Variants in CHD6 observed in about 807,000 individuals in gnomAD.
CHD6 encodes the protein chromodomain helicase DNA binding protein 6, also known as ATP-dependent chromatin remodeler CHD6.
CHD6 carries 50 observed loss-of-function variants against 276.9 expected under a neutral mutation model. The ratio of observed to expected loss-of-function variants is 0.18; its 90% CI spans 0.14 to 0.23. The LOEUF (loss-of-function observed/expected upper bound fraction) is 0.23, where lower values mean the gene tolerates loss of function less well. CHD6 is among the 10% of genes least tolerant of loss of function. CHD6 has a pLI of 1.00. For synonymous variants in CHD6, 1,173 were observed against 1,229.3 expected (o/e 0.95, Z 0.96); for missense variants, 2,564 against 3,365.8 (o/e 0.76, Z 5.89).
chr20:41,405,737 T>C (rs1376718805), intron 36 of CHD6, among the ~76,000 whole-genome samples: 1 of 152,090 alleles, frequency 6.6e-6, no homozygotes, highest in East Asian at 1.9e-4. Context: ...TGCCCAGTGG[T>C]AATTCCAACA....
At chr20:41,460,962 C>A (rs1029314191) in intron 17 of CHD6, among the ~76,000 whole-genome samples, 1 of 152,220 alleles carries the variant, frequency 6.6e-6, no homozygotes, top group Non-Finnish European at 1.5e-5. Flanking sequence ...TGCAAAGGCA[C>A]AGGTGTGGAG....
intron 1 of CHD6, among the ~76,000 whole-genome samples, chr20:41,577,922 A>G (rs1221973568): frequency 6.6e-6 from 1 of 152,234 alleles, no homozygotes; most frequent in African/African-American, 2.4e-5. Context: ...TGACAATCAT[A>G]TAAGGATTAA....
At chr20:41,426,756 C>T (rs917985909) in intron 27 of CHD6, among the ~76,000 whole-genome samples, 1 of 152,154 alleles carries the variant, frequency 6.6e-6, no homozygotes, top group African/African-American at 2.4e-5. Flanking sequence ...TTGCCCAAGT[C>T]GGTGTATGTG....
chr20:41,591,968 G>T (rs570676478), intron 1 of CHD6, among the ~76,000 whole-genome samples: 3 of 152,152 alleles, frequency 2.0e-5, no homozygotes, highest in Admixed American at 6.5e-5. Flanking sequence ...GTGTGGTGGC[G>T]TGTGCCTGTA....
At chr20:41,608,528 C>T (rs1192762016) in intron 1 of CHD6, among the ~76,000 whole-genome samples, 2 of 152,132 alleles carry the variant, frequency 1.3e-5, no homozygotes, top group Non-Finnish European at 2.9e-5. Context: ...AATTCTCCTA[C>T]GTGGGTTTTC....
At chr20:41,536,735 T>C (rs1022114504) in intron 2 of CHD6, among the ~76,000 whole-genome samples, 3 of 152,212 alleles carry the variant, frequency 2.0e-5, no homozygotes, top group South Asian at 2.1e-4. Context: ...TATTTCACTG[T>C]ATTTTTTTGT....
At chr20:41,462,055 G>A (rs140372072) in intron 17 of CHD6, 100 of 152,294 alleles carry the variant, frequency 6.6e-4, no homozygotes, top group African/African-American at 2.3e-3. Flanking sequence ...TACCCTAGAG[G>A]TGGTCCCTGC....
At chr20:41,412,302 A>G (rs760106342) in intron 35 of CHD6, 39 bp from the exon 36 acceptor site, 2 of 1,610,784 alleles carry the variant, frequency 1.2e-6, no homozygotes, top group South Asian at 2.2e-5. Flanking sequence ...AAAACATGCT[A>G]TCCCAGATTC....
At chr20:41,541,992 G>C (rs1051143898) in intron 2 of CHD6, among the ~76,000 whole-genome samples, 16 of 152,160 alleles carry the variant, frequency 1.1e-4, no homozygotes, top group Non-Finnish European at 1.9e-4. Flanking sequence ...CTAGTATATG[G>C]CTAAATTTAG....
intron 4 of CHD6, among the ~76,000 whole-genome samples, chr20:41,514,488 T>C (rs895584659): frequency 5.9e-5 from 9 of 152,180 alleles, no homozygotes; most frequent in Non-Finnish European, 8.8e-5. Context: ...ACTAAATGCA[T>C]TACCTGTATG....
intron 24 of CHD6, among the ~76,000 whole-genome samples, chr20:41,446,196 G>A (rs1006067027): frequency 1.3e-5 from 2 of 152,146 alleles, no homozygotes; most frequent in Non-Finnish European, 2.9e-5. Context: ...CCAAATCATC[G>A]TGGCTCAGTA....
intron 1 of CHD6, among the ~76,000 whole-genome samples, chr20:41,555,909 G>A (rs1377805119): frequency 2.0e-5 from 3 of 152,212 alleles, no homozygotes; most frequent in East Asian, 1.9e-4. Flanking sequence ...GCGGCTGGGT[G>A]GTGGAGGTTG....
intron 1 of CHD6, among the ~76,000 whole-genome samples, chr20:41,560,128 C>T (rs1321436477): frequency 6.6e-6 from 1 of 152,162 alleles, no homozygotes; most frequent in East Asian, 1.9e-4. Flanking sequence ...TTCCATGTCT[C>T]CTACCCTCAC....
chr20:41,506,262 A>T (rs555275942), intron 5 of CHD6, among the ~76,000 whole-genome samples: 1 of 152,214 alleles, frequency 6.6e-6, no homozygotes, highest in South Asian at 2.1e-4. Flanking sequence ...ACTGCTTAAA[A>T]CGCTTCTCTT....
chr20:41,446,260 C>T (rs2048065512), intron 24 of CHD6, among the ~76,000 whole-genome samples: 1 of 152,182 alleles, frequency 6.6e-6, no homozygotes, highest in African/African-American at 2.4e-5. Context: ...AGAGTCCACA[C>T]TGGAACAAGT....
intron 36 of CHD6, among the ~76,000 whole-genome samples, chr20:41,410,560 CCT>C (rs1275780232): frequency 6.6e-6 from 1 of 152,120 alleles, no homozygotes; most frequent in Non-Finnish European, 1.5e-5. Context: ...CACGGGTGCC[CCT>C]GTTCGGAAGG....
At chr20:41,565,286 G>T (rs1474909570) in intron 1 of CHD6, among the ~76,000 whole-genome samples, 1 of 152,004 alleles carries the variant, frequency 6.6e-6, no homozygotes, top group East Asian at 1.9e-4. Context: ...AATAGAGACG[G>T]GTTTTCATCA....
intron 2 of CHD6, among the ~76,000 whole-genome samples, chr20:41,548,426 G>A (rs1034144955): frequency 3.3e-5 from 5 of 152,090 alleles, no homozygotes; most frequent in African/African-American, 1.2e-4. Flanking sequence ...TCATTTTGGT[G>A]GAATCACTAA....
At chr20:41,438,028 G>C (rs1319102903) in intron 26 of CHD6, among the ~76,000 whole-genome samples, 1 of 152,150 alleles carries the variant, frequency 6.6e-6, no homozygotes, top group Non-Finnish European at 1.5e-5. Context: ...TCTGATAAAA[G>C]AACACACTCT....
Sources: gnomAD v4.1 joint callset for allele counts (sites outside exome capture counted in the v4.1 genomes callset) on GRCh38, gnomAD v4.1.1 for gene constraint, MANE v1.5 for transcripts, NCBI Gene and HGNC (gene_info 2026-07-23, HGNC 2026-07-21) for gene names.